The following ZNF436 variants were observed in gnomAD, a reference collection of about 807,000 sequenced individuals.
The protein encoded by ZNF436 is zinc finger protein 436, also known as DNA-binding protein.
Under a neutral mutation model 41.9 loss-of-function variants are expected in ZNF436, and 22 were observed. That is an observed-to-expected ratio of 0.53 (90% confidence interval 0.38 to 0.75). The LOEUF (loss-of-function observed/expected upper bound fraction) is 0.75, where lower values mean the gene tolerates loss of function less well. ZNF436 is among the 30% of genes least tolerant of loss of function. The pLI, the probability that ZNF436 is intolerant of heterozygous loss-of-function variation, is 0.00. For missense variants in ZNF436, 506 were observed against 587.3 expected, an observed-to-expected ratio of 0.86 and a Z score of 1.43; for synonymous variants, 217 against 197.8, an observed-to-expected ratio of 1.10 and a Z score of -0.82.
chr1:23,364,958 G>A (rs753583171), intron 3 of ZNF436, among the ~76,000 whole-genome samples: 8 of 152,100 alleles, frequency 5.3e-5, no homozygotes, highest in Non-Finnish European at 8.8e-5. Flanking sequence ...GAATCCTGAG[G>A]TAAAAAGGCC....
At chr1:23,364,489 C>G (rs1397585235) in intron 3 of ZNF436, among the ~76,000 whole-genome samples, 1 of 152,200 alleles carries the variant, frequency 6.6e-6, no homozygotes. Flanking sequence ...CTGCCCGCCT[C>G]AGCCTCCCAA....
intron 1 of ZNF436, 160 bp from the exon 2 acceptor site, chr1:23,368,225 G>A (rs1443506433): frequency 1.7e-6 from 1 of 581,218 alleles, no homozygotes; most frequent in East Asian, 2.9e-5. Flanking sequence ...CTGCGTCTCC[G>A]CCACAGCGGG....
rs1278054565 is a variant in ZNF436 at position 23,359,595 on chromosome 1, G to C, written c.*2374C>G. The C allele has an allele frequency of 6.6e-6, 1 of 152,614 alleles. No homozygotes were observed. The highest frequency in any genetic ancestry group is 2.4e-5 in the African/African-American group (1 of 41,438). The allele number at this position is 152,614 out of a possible 1,614,324, so 9.5% of individuals were successfully genotyped here. On this transcript the variant is annotated 3_prime_UTR_variant, in exon 4 of 4. Coordinates refer to ENST00000314011, the MANE Select transcript of ZNF436 (RefSeq NM_001077195.2). ...CAACCATAGAAAACAGGCACAAAGT[G>C]TTCACGGGATGTGCAGAGGCAGCCA...
intron 2 of ZNF436, 67 bp from the exon 3 acceptor site, chr1:23,367,235 GAA>G: frequency 6.7e-7 from 1 of 1,489,122 alleles, no homozygotes; most frequent in Non-Finnish European, 9.0e-7. Flanking sequence ...AACATGATTA[GAA>G]ATATTCAGGA....
At chr1:23,365,146 C>T (rs1340841876) in intron 3 of ZNF436, among the ~76,000 whole-genome samples, 1 of 151,950 alleles carries the variant, frequency 6.6e-6, no homozygotes, top group Non-Finnish European at 1.5e-5. Context: ...ATAATCCCAG[C>T]ACTTTGGGAG....
chr1:23,367,090 G>T lies in ZNF436; in HGVS notation c.112C>A (p.Leu38Ile). ...TTCTCCTGCATAACATCCCGGTAAA[G>T]GTCCCTCTGTGCAGCGTCCAGAGGT... Reference protein sequence around the residue: ...WRPLDAAQRDLYRDVMQENYG... With the variant: ...WRPLDAAQRDIYRDVMQENYG... The change falls in exon 3 of 4, where the codon CTT (leucine) becomes ATT (isoleucine). Residue 38 changes from leucine to isoleucine, a missense_variant. Transcript: ENST00000314011. 2.5e-6 allele frequency: 4 copies of T among 1,613,960 alleles called. No individual in the cohort carries two copies. The highest frequency in any genetic ancestry group is 3.4e-6 in the Non-Finnish European group (4 of 1,179,924).
At position 23,367,085 on chromosome 1, in the gene ZNF436, G is replaced by GT; in HGVS notation, c.116dup (p.Tyr39Ter). ...CATAATTCTCCTGCATAACATCCCG[G>GT]TAAAGGTCCCTCTGTGCAGCGTCCA... ...RPLDAAQRDLYRDVMQENYGN... is the reference protein window; with the variant it reads ...RPLDAAQRDL The change falls in exon 3 of 4, where the codon TAC becomes TAAC. Residue 39 changes from tyrosine to a stop codon, truncating the protein, a stop_gained and frameshift_variant. Coordinates refer to ENST00000314011, the MANE Select transcript of ZNF436 (RefSeq NM_001077195.2). LOFTEE classifies it high-confidence loss of function. 6.2e-7 allele frequency: 1 copy of GT among 1,613,856 alleles called. No individual in the cohort carries two copies. Among genetic ancestry groups the GT allele is most frequent in the Non-Finnish European group, 8.5e-7 (1 of 1,179,876 alleles).
At position 23,360,763 on chromosome 1, in the gene ZNF436, G is replaced by C. The variant is rs913591740; in HGVS notation, c.*1206C>G. 4 of 152,594 alleles carry C rather than the reference G, an allele frequency of 2.6e-5. No individual in the cohort carries two copies. Among genetic ancestry groups the C allele is most frequent in the African/African-American group, 9.7e-5 (4 of 41,434 alleles). The allele number at this position is 152,594 out of a possible 1,614,324, so 9.5% of individuals were successfully genotyped here. A position where few individuals can be genotyped will look rare whatever the true frequency, so the allele number is the denominator to read the frequency against. ...AAACAAGTGCTTAGCTCTGTACAAA[G>C]ACAGACCTTACAGGAGAGTGCACAC... On this transcript the variant is annotated 3_prime_UTR_variant, in exon 4 of 4. Coordinates refer to ENST00000314011, the MANE Select transcript of ZNF436 (RefSeq NM_001077195.2).
rs768405276 is a variant in ZNF436, at chr1:23,369,483, C to A, written c.-178G>T. On this transcript the variant is annotated 5_prime_UTR_variant, in exon 1 of 4. Coordinates refer to ENST00000314011, the MANE Select transcript of ZNF436 (RefSeq NM_001077195.2). ...GCGTTCAGGAAGATTCTAGAGAGCA[C>A]GGGCAGGTCCCGGAGGTCTCAGACC... 3 of 532,044 alleles carry A rather than the reference C, an allele frequency of 5.6e-6. No individual in the cohort carries two copies. The highest frequency in any genetic ancestry group is 7.8e-6 in the Non-Finnish European group (2 of 257,802). The allele number at this position is 532,044 out of a possible 1,614,324, so 33.0% of individuals were successfully genotyped here.
Position 23,360,679 on chromosome 1 carries a change from G to A in ZNF436, c.*1290C>T, listed in dbSNP as rs1646988817. 1 of 152,618 alleles carries A rather than the reference G, an allele frequency of 6.6e-6. No individual in the cohort carries two copies. Among genetic ancestry groups the A allele is most frequent in the African/African-American group, 2.4e-5 (1 of 41,422 alleles). 9.5% of individuals were successfully genotyped at this position (152,618 alleles called of 1,614,324 possible). A position where few individuals can be genotyped will look rare whatever the true frequency, so the allele number is the denominator to read the frequency against. On this transcript the variant is annotated 3_prime_UTR_variant, in exon 4 of 4. Transcript: ENST00000314011. ...TACCATAGAAGATAATTCATTCTGA[G>A]AATAGGACAATCGACCTATTTGTCT...
chr1:23,361,599 A>C lies in ZNF436; in HGVS notation c.*370T>G, dbSNP rs1319304434. The C allele has an allele frequency of 5.4e-6, 1 of 184,080 alleles. No individual in the cohort carries two copies. The highest frequency in any genetic ancestry group is 2.4e-5 in the African/African-American group (1 of 42,026). 11.4% of individuals were successfully genotyped at this position (184,080 alleles called of 1,614,324 possible). On this transcript the variant is annotated 3_prime_UTR_variant, in exon 4 of 4. Transcript: ENST00000314011. ...CCAAAGCAGCCATTACCACCCTATT[A>C]CAGTCCCACGTTTCACTTAGCATAG...
intron 1 of ZNF436, 192 bp from the exon 2 acceptor site, chr1:23,368,257 A>G: frequency 1.9e-6 from 1 of 537,622 alleles, no homozygotes; most frequent in Non-Finnish European, 3.3e-6. Flanking sequence ...GCCGGAATCT[A>G]CTAGGACAGC....
rs1440654628 is a variant in ZNF436 at position 23,361,827 on chromosome 1, T to C, written c.*142A>G. 1.2e-6 allele frequency: 1 copy of C among 850,834 alleles called. No individual in the cohort carries two copies. Among genetic ancestry groups the C allele is most frequent in the East Asian group, 2.7e-5 (1 of 36,788 alleles). 52.7% of individuals were successfully genotyped at this position (850,834 alleles called of 1,614,324 possible). A position where few individuals can be genotyped will look rare whatever the true frequency, so the allele number is the denominator to read the frequency against. On this transcript the variant is annotated 3_prime_UTR_variant, in exon 4 of 4. Coordinates refer to ENST00000314011, the MANE Select transcript of ZNF436 (RefSeq NM_001077195.2). ...CAAAGCTGAGGGTCAGAATTTCAAA[T>C]GGCTTGTCATCTCTGATGGTTTAAA...
chr1:23,368,886 A>AT (rs1638427762), intron 1 of ZNF436: 3 of 153,668 alleles, frequency 2.0e-5, no homozygotes, highest in Admixed American at 1.3e-4. Context: ...CCCACGCACT[A>AT]CATCTCCCAA....
Position 23,367,168 on chromosome 1 carries a change from C to A in ZNF436, c.34G>T (p.Ala12Ser). Reference sequence around the variant, plus strand: ...GCCATATCTTCAAACGTCACAGGTGCCTGAAATCACACGATACTTCCCTAC... The same window carrying A: ...GCCATATCTTCAAACGTCACAGGTGACTGAAATCACACGATACTTCCCTAC... ...AATLLMAGSQ[A>S]PVTFEDMAMY... The change falls in exon 3 of 4, where the codon GCA becomes TCA. Residue 12 changes from alanine to serine, a missense_variant and splice_region_variant. Ala to Ser is a moderately conservative substitution (Grantham distance 99). Coordinates refer to ENST00000314011, the MANE Select transcript of ZNF436 (RefSeq NM_001077195.2). 1 of 1,605,656 alleles carries A rather than the reference C, an allele frequency of 6.2e-7. No individual in the cohort carries two copies. Among genetic ancestry groups the A allele is most frequent in the Non-Finnish European group, 8.5e-7 (1 of 1,176,510 alleles).
Position 23,361,898 on chromosome 1 carries a change from G to A in ZNF436, c.*71C>T. On this transcript the variant is annotated 3_prime_UTR_variant, in exon 4 of 4. Transcript: ENST00000314011. ...AGTATGATAAAAGCAGCTCAGTCTT[G>A]AGGGCGTTCATTGATATCAAATAAA... The A allele has an allele frequency of 1.4e-6, 2 of 1,465,742 alleles. No individual in the cohort carries two copies. Among genetic ancestry groups the A allele is most frequent in the Non-Finnish European group, 1.8e-6 (2 of 1,092,436 alleles). The allele number at this position is 1,465,742 out of a possible 1,614,324, so 90.8% of individuals were successfully genotyped here.
rs1646984470 is a variant in ZNF436, at chr1:23,360,171, A to AC, written c.*1797dup. 6.6e-6 allele frequency: 1 copy of AC among 151,966 alleles called. No individual in the cohort carries two copies. The highest frequency in any genetic ancestry group is 2.4e-5 in the African/African-American group (1 of 41,364). The allele number at this position is 151,966 out of a possible 1,614,324, so 9.4% of individuals were successfully genotyped here. ...TAAAAAGGAGTGGCAACATGAAGGA[A>AC]CCCCCCTGGAAGATGGGTTACTTTA... On this transcript the variant is annotated 3_prime_UTR_variant, in exon 4 of 4. Coordinates refer to ENST00000314011, the MANE Select transcript of ZNF436 (RefSeq NM_001077195.2).
At position 23,366,815 on chromosome 1, in the gene ZNF436, G is replaced by A. The variant is rs376191691; in HGVS notation, c.160+227C>T. On this transcript the variant is annotated intron_variant, in intron 3 of 3. Coordinates refer to ENST00000314011, the MANE Select transcript of ZNF436 (RefSeq NM_001077195.2). Reference sequence around the variant, plus strand: ...GGCTGGAGATTGGAAAATGACTCAGGGCACAAGAAATCTGAACGTCTAAGA... The same window carrying A: ...GGCTGGAGATTGGAAAATGACTCAGAGCACAAGAAATCTGAACGTCTAAGA... Among the ~76,000 whole-genome samples the A allele has an allele frequency of 4.1e-4, 62 of 152,234 alleles. No homozygotes were observed. In the South Asian group the frequency reaches 9.3e-3, roughly 23 times the overall value.
chr1:23,366,645 A>C (rs1454418613), intron 3 of ZNF436, among the ~76,000 whole-genome samples: 1 of 152,196 alleles, frequency 6.6e-6, no homozygotes, highest in Non-Finnish European at 1.5e-5. Context: ...ACAAACACAA[A>C]AAGGTGGCTT....
Sources: gnomAD v4.1 joint callset for allele counts (sites outside exome capture counted in the v4.1 genomes callset) on GRCh38, gnomAD v4.1.1 for gene constraint, MANE v1.5 for transcripts, NCBI Gene and HGNC (gene_info 2026-07-23, HGNC 2026-07-21) for gene names.